The following KCNH2 variants were observed in gnomAD, a reference collection of about 807,000 sequenced individuals.
KCNH2 encodes potassium voltage-gated channel subfamily H member 2, also known as voltage-gated inwardly rectifying potassium channel KCNH2.
Under a neutral mutation model 95.9 loss-of-function variants are expected in KCNH2, and 35 were observed. The ratio of observed to expected loss-of-function variants is 0.37; its 90% CI spans 0.28 to 0.48. The LOEUF is 0.48. Among genes scored for constraint, KCNH2 ranks in the 20% least tolerant of loss-of-function variants. The pLI, the probability that KCNH2 is intolerant of heterozygous loss-of-function variation, is 0.99. For synonymous variants in KCNH2, 786 were observed against 754.7 expected, an observed-to-expected ratio of 1.04 and a Z score of -0.68; for missense variants, 1,274 against 1,702.9, an observed-to-expected ratio of 0.75 and a Z score of 4.43.
rs888330173 is a variant in KCNH2 at position 150,950,559 on chromosome 7, C to G, written c.2146-139G>C. Reference sequence around the variant, plus strand: ...GAGATCTCGGAAGCATCAGGGGGCCCAGTGTCTTGGGAAGGACCTGGGACC... The same window carrying G: ...GAGATCTCGGAAGCATCAGGGGGCCGAGTGTCTTGGGAAGGACCTGGGACC... On this transcript the variant is annotated intron_variant, in intron 8 of 14. Transcript: ENST00000262186. 5 of 1,203,918 alleles carry G rather than the reference C, an allele frequency of 4.2e-6. No individual in the cohort carries two copies. The Admixed American group carries it at 7.4e-5, about 18-fold the overall frequency. The allele number at this position is 1,203,918 out of a possible 1,614,324, so 74.6% of individuals were successfully genotyped here. A position where few individuals can be genotyped will look rare whatever the true frequency, so the allele number is the denominator to read the frequency against.
In KCNH2 at chr7:150,951,794, C is replaced by T; in HGVS notation, c.1599G>A (p.Val533=). 6.3e-7 allele frequency: 1 copy of T among 1,591,472 alleles called. No individual in the cohort carries two copies. Among genetic ancestry groups the T allele is most frequent in the South Asian group, 1.1e-5 (1 of 88,422 alleles). ...LLKTARLLRL[V]RVARKLDRYS... ...AGCGATCCAGCTTCCGCGCCACGCGCACCAGCCGCAGCAGCCGCGCAGTCT... is the reference window on the plus strand; with the variant it reads ...AGCGATCCAGCTTCCGCGCCACGCGTACCAGCCGCAGCAGCCGCGCAGTCT... Residue 533 remains valine (V), a synonymous_variant, in exon 7 of 15, where the codon GTG becomes GTA. Transcript: ENST00000262186.
chr7:150,946,744 T>C lies in KCNH2; in HGVS notation c.3330+133A>G. ...CAGCCTTCCTCCAGGAGGACAGGGG[T>C]GGGAGGAGGGCAGGAACAAGGTTCA... On this transcript the variant is annotated intron_variant, in intron 14 of 14. Transcript: ENST00000262186. This position sits in a 1 kb window ranked among gnomAD's most constrained non-coding sequence, Gnocchi z 6.5. The C allele has an allele frequency of 1.3e-6, 1 of 766,140 alleles. No individual in the cohort carries two copies. The highest frequency in any genetic ancestry group is 2.1e-6 in the Non-Finnish European group (1 of 483,184). The allele number at this position is 766,140 out of a possible 1,614,324, so 47.5% of individuals were successfully genotyped here. A position where few individuals can be genotyped will look rare whatever the true frequency, so the allele number is the denominator to read the frequency against.
chr7:150,962,225 C>T lies in KCNH2; in HGVS notation c.308-2489G>A, dbSNP rs1395835981. Among the ~76,000 whole-genome samples, 2 of 152,238 alleles carry T rather than the reference C, an allele frequency of 1.3e-5. No individual in the cohort carries two copies. Among genetic ancestry groups the T allele is most frequent in the Non-Finnish European group, 2.9e-5 (2 of 68,048 alleles). ...CAGCGGCCTGAACAGGGATGCGCCT[C>T]ACCAGGACTGAGGAGAGGCTGGAGA... On this transcript the variant is annotated intron_variant, in intron 2 of 14. Coordinates refer to ENST00000262186, the MANE Select transcript of KCNH2 (RefSeq NM_000238.4). This position sits in a 1 kb window ranked among gnomAD's most constrained non-coding sequence, Gnocchi z 5.7.
chr7:150,958,376 A>G lies in KCNH2; in HGVS notation c.599T>C (p.Leu200Pro). Reference sequence around the variant, plus strand: ...CTCGCTGCTGGGTGCCGCGGGCGTCAGGTCCACGTCCACCACCACGGCCCC... The same window carrying G: ...CTCGCTGCTGGGTGCCGCGGGCGTCGGGTCCACGTCCACCACCACGGCCCC... The part of the protein sequence containing the change: ...APGAVVVDVD[L>P]TPAAPSSESL... The change falls in exon 4 of 15, where the codon CTG (leucine) becomes CCG (proline). Residue 200 changes from leucine (L) to proline (P), a missense_variant. Transcript: ENST00000262186. 6.8e-7 allele frequency: 1 copy of G among 1,477,010 alleles called. No individual in the cohort carries two copies. Among genetic ancestry groups the G allele is most frequent in the Non-Finnish European group, 8.9e-7 (1 of 1,120,580 alleles). 91.5% of individuals were successfully genotyped at this position (1,477,010 alleles called of 1,614,324 possible).
intron 2 of KCNH2, among the ~76,000 whole-genome samples, chr7:150,974,448 G>A (rs1801919141): frequency 6.6e-6 from 1 of 152,202 alleles, no homozygotes; most frequent in South Asian, 2.1e-4. Context: ...AAGGACCAGA[G>A]GAGCCAGACC....
chr7:150,946,991 C>A lies in KCNH2; in HGVS notation c.3216G>T (p.Thr1072=). 6.2e-7 allele frequency: 1 copy of A among 1,610,690 alleles called. No homozygotes were observed. The highest frequency in any genetic ancestry group is 1.1e-5 in the South Asian group (1 of 90,816). The change falls in exon 14 of 15, where the codon ACG becomes ACT. Residue 1072 remains threonine (T), a synonymous_variant. Transcript: ENST00000262186. This position sits in a 1 kb window ranked among gnomAD's most constrained non-coding sequence, Gnocchi z 6.5. ...CAGCACTGTAGGCGGGCGGGACCAG[C>A]GTCATCTGCCTCTGTAGCAGCTGCA... The part of the protein sequence containing the change: ...TVLQLLQRQM[T]LVPPAYSAVT...
rs538362265 is a variant in KCNH2 at position 150,976,016 on chromosome 7, C to G, written c.77-1075G>C. Among the ~76,000 whole-genome samples, 119 of 152,374 alleles carry G rather than the reference C, an allele frequency of 7.8e-4. 1 individual carries two copies. Among genetic ancestry groups the G allele is most frequent in the African/African-American group, 2.6e-3 (108 of 41,596 alleles). Reference sequence around the variant, plus strand: ...CTCCAGGCCTGCCCGGAGAGCCAGGCTGGCGAGTGAGCAGCAGGCAGGCAG... The same window carrying G: ...CTCCAGGCCTGCCCGGAGAGCCAGGGTGGCGAGTGAGCAGCAGGCAGGCAG... On this transcript the variant is annotated intron_variant, in intron 1 of 14. Transcript: ENST00000262186.
chr7:150,972,108 C>A (rs1054980957), intron 2 of KCNH2, among the ~76,000 whole-genome samples: 1 of 152,204 alleles, frequency 6.6e-6, no homozygotes, highest in Admixed American at 6.5e-5. Flanking sequence ...CACACTCCCC[C>A]AGTCTAGCCT....
Position 150,945,497 on chromosome 7 carries a change from C to A in KCNH2, c.3348G>T (p.Ala1116=), listed in dbSNP as rs376180501. The part of the protein sequence containing the change: ...DSLSQVSQFM[A]CEELPPGAPE... Reference sequence around the variant, plus strand: ...GGGCCCCCGGGGGCAGCTCCTCACACGCCATGAACTGGGAAACCTGCAATA... The same window carrying A: ...GGGCCCCCGGGGGCAGCTCCTCACAAGCCATGAACTGGGAAACCTGCAATA... The change falls in exon 15 of 15, where the codon GCG becomes GCT. Residue 1116 remains alanine, a synonymous_variant. Transcript: ENST00000262186. This position sits in a 1 kb window ranked among gnomAD's most constrained non-coding sequence, Gnocchi z 5.6. 6.4e-7 allele frequency: 1 copy of A among 1,557,782 alleles called. No individual in the cohort carries two copies. The highest frequency in any genetic ancestry group is 1.2e-5 in the South Asian group (1 of 84,478).
At position 150,958,253 on chromosome 7, in the gene KCNH2, G is replaced by C. The variant is rs199472871; in HGVS notation, c.722C>G (p.Pro241Arg). The stretch of plus-strand genomic sequence containing the variant: ...TGGGAGCTGGCCGGGCGCGCTGCGG[G>C]GCGGAGAGCCGGGACCCACCAGCGC... ...RRALVGPGSP[P>R]RSAPGQLPSP... The change falls in exon 4 of 15, where the codon CCC (proline) becomes CGC (arginine). Residue 241 changes from proline (P) to arginine (R), a missense_variant. Physicochemically the swap from Pro to Arg is moderately radical, Grantham distance 103 (BLOSUM62 -2). Coordinates refer to ENST00000262186, the MANE Select transcript of KCNH2 (RefSeq NM_000238.4). The C allele has an allele frequency of 7.1e-7, 1 of 1,418,074 alleles. No individual in the cohort carries two copies. The highest frequency in any genetic ancestry group is 9.2e-7 in the Non-Finnish European group (1 of 1,089,146). 87.8% of individuals were successfully genotyped at this position (1,418,074 alleles called of 1,614,324 possible).
chr7:150,959,794 C>A (rs756168428), intron 2 of KCNH2, 58 bp from the exon 3 acceptor site: 21 of 1,604,846 alleles, frequency 1.3e-5, no homozygotes, highest in Non-Finnish European at 1.8e-5. Context: ...GAGCAGAAAG[C>A]CACGCAGGAT....
chr7:150,948,488 CGA>C lies in KCNH2; in HGVS notation c.2646_2647del (p.Ser882ArgfsTer37). The C allele has an allele frequency of 6.2e-7, 1 of 1,613,000 alleles. No homozygotes were observed. The highest frequency in any genetic ancestry group is 8.5e-7 in the Non-Finnish European group (1 of 1,179,948). On this transcript the variant is annotated frameshift_variant, in exon 11 of 15. Coordinates refer to ENST00000262186, the MANE Select transcript of KCNH2 (RefSeq NM_000238.4). LOFTEE classifies it high-confidence loss of function. ...GAAGGACAACTTGCGCTTGCGTTGC[CGA>C]CTGAAGCCACCCTCTAACTCCGTAC...
chr7:150,950,369 T>A lies in KCNH2; in HGVS notation c.2197A>T (p.Asn733Tyr). The A allele has an allele frequency of 6.2e-7, 1 of 1,612,664 alleles. No individual in the cohort carries two copies. Among genetic ancestry groups the A allele is most frequent in the Non-Finnish European group, 8.5e-7 (1 of 1,179,636 alleles). Residue 733 changes from asparagine (N) to tyrosine (Y), a missense_variant, in exon 9 of 15, where the codon AAC becomes TAC. By Grantham distance (143) the Asn-to-Tyr change is moderately radical. This residue lies in a region of KCNH2 where 159 missense variants were observed against 282.5 expected (regional missense o/e 0.56). Coordinates refer to ENST00000262186, the MANE Select transcript of KCNH2 (RefSeq NM_000238.4). ...CLQADICLHL[N>Y]RSLLQHCKPF... ...TTGCAGTGCTGCAGCAGTGAGCGGT[T>A]CAGGTGCAGGCAGATGTCAGCCTGC... is the stretch of plus-strand genomic sequence containing the variant.
intron 2 of KCNH2, among the ~76,000 whole-genome samples, chr7:150,970,939 G>C (rs572719880): frequency 2.8e-4 from 42 of 152,136 alleles, no homozygotes; most frequent in Admixed American, 5.2e-4. Context: ...CAGCCTCAAG[G>C]CTCCCCTTCA....
In KCNH2 at chr7:150,962,418, G is replaced by T; in HGVS notation, c.308-2682C>A. On this transcript the variant is annotated intron_variant, in intron 2 of 14. Transcript: ENST00000262186. The surrounding 1 kb of genome is among the most constrained non-coding windows in gnomAD (Gnocchi z 5.7). ...GGGCTGGAGACTGTCCCCAACACAGGGCCCCAGAAATTCCAACCTTGAGAC... is the reference window on the plus strand; with the variant it reads ...GGGCTGGAGACTGTCCCCAACACAGTGCCCCAGAAATTCCAACCTTGAGAC... Among the ~76,000 whole-genome samples, 1 of 152,076 alleles carries T rather than the reference G, an allele frequency of 6.6e-6. No homozygotes were observed. The highest frequency in any genetic ancestry group is 1.9e-4 in the East Asian group (1 of 5,190).
intron 2 of KCNH2, among the ~76,000 whole-genome samples, chr7:150,964,826 A>G (rs1441324457): frequency 6.6e-6 from 1 of 152,232 alleles, no homozygotes; most frequent in Non-Finnish European, 1.5e-5. Flanking sequence ...GCAGCAGCCC[A>G]GGGCTGTGCA....
In KCNH2 at chr7:150,977,898, C is replaced by T; in HGVS notation, c.16G>A (p.Gly6Ser). 1 of 1,605,100 alleles carries T rather than the reference C, an allele frequency of 6.2e-7. No individual in the cohort carries two copies. The highest frequency in any genetic ancestry group is 8.5e-7 in the Non-Finnish European group (1 of 1,177,048). Residue 6 changes from glycine (G) to serine (S), a missense_variant, in exon 1 of 15, where the codon GGC becomes AGC. Physicochemically the swap from Gly to Ser is moderately conservative, Grantham distance 56. Transcript: ENST00000262186. MPVRR[G>S]HVAPQNTFLD... is the part of the protein sequence containing the mutation. ...AAGGTGTTCTGCGGCGCGACGTGGC[C>T]CCTCCGCACCGGCATCCTGAGCCCA...
At chr7:150,956,525 G>A (rs544449884) in intron 5 of KCNH2, among the ~76,000 whole-genome samples, 1 of 151,054 alleles carries the variant, frequency 6.6e-6, no homozygotes, top group African/African-American at 2.4e-5. Flanking sequence ...CCAAAGGCTA[G>A]GATAAGGTGT....
At chr7:150,960,919 C>T (rs1282095672) in intron 2 of KCNH2, among the ~76,000 whole-genome samples, 1 of 149,448 alleles carries the variant, frequency 6.7e-6, no homozygotes, top group African/African-American at 2.5e-5. Flanking sequence ...TTAGGCCAAG[C>T]ACTCAGTTCC....
Sources: allele counts gnomAD v4.1 joint callset (sites outside exome capture counted in the v4.1 genomes callset), GRCh38; gene constraint gnomAD v4.1.1; regional missense constraint gnomAD v4.1.1; non-coding constraint Gnocchi (gnomAD v3.1); transcripts MANE v1.5; gene names NCBI Gene and HGNC (gene_info 2026-07-23, HGNC 2026-07-21).